Variants in MGAT4C observed in about 807,000 individuals in gnomAD.
MGAT4C encodes the protein MGAT4 family member C.
In MGAT4C, 19 loss-of-function variants were observed where a neutral mutation model predicts 40.1. That is an observed-to-expected ratio of 0.47 (90% confidence interval 0.33 to 0.70). MGAT4C has a LOEUF of 0.70. MGAT4C is among the 30% of genes least tolerant of loss of function. The probability of loss-of-function intolerance (pLI) is 0.02; values close to 1 mark genes in which losing one functional copy is unlikely to be tolerated. For synonymous variants in MGAT4C, 181 were observed against 187.1 expected (o/e 0.97, Z 0.27); for missense variants, 491 against 563.2 (o/e 0.87, Z 1.30).
chr12:86,152,997 C>T (rs61932275), intron 1 of MGAT4C, among the ~76,000 whole-genome samples: 1 of 152,074 alleles, frequency 6.6e-6, no homozygotes, highest in Non-Finnish European at 1.5e-5. Flanking sequence ...TAATATTACA[C>T]CCTGATCCTG....
chr12:85,984,981 T>C (rs1258831032), intron 3 of MGAT4C, among the ~76,000 whole-genome samples: 1 of 152,166 alleles, frequency 6.6e-6, no homozygotes, highest in Non-Finnish European at 1.5e-5. Flanking sequence ...GTTTCCGCCA[T>C]GTTGGCCAAG....
At chr12:86,196,007 T>C (rs553735758) in intron 1 of MGAT4C, among the ~76,000 whole-genome samples, 4 of 152,338 alleles carry the variant, frequency 2.6e-5, no homozygotes, top group Non-Finnish European at 5.9e-5. Context: ...CATATTTATG[T>C]ATGTGTGTTA....
At chr12:86,804,466 A>G (rs1362622764) in intron 1 of MGAT4C, among the ~76,000 whole-genome samples, 1 of 151,552 alleles carries the variant, frequency 6.6e-6, no homozygotes, top group Non-Finnish European at 1.5e-5. Flanking sequence ...AGAAGAAAAA[A>G]ATATATATTT....
intron 1 of MGAT4C, among the ~76,000 whole-genome samples, chr12:86,103,857 T>C (rs1875601251): frequency 6.6e-6 from 1 of 152,214 alleles, no homozygotes; most frequent in Non-Finnish European, 1.5e-5. Flanking sequence ...TCATTTATTG[T>C]TGCATCTCTA....
chr12:85,991,081 T>C (rs1449789236), intron 2 of MGAT4C, among the ~76,000 whole-genome samples: 1 of 152,146 alleles, frequency 6.6e-6, no homozygotes, highest in Non-Finnish European at 1.5e-5. Flanking sequence ...AGGAGCTTTA[T>C]TCAGTGTTAG....
chr12:86,167,570 G>T (rs1200676705), intron 1 of MGAT4C, among the ~76,000 whole-genome samples: 1 of 152,168 alleles, frequency 6.6e-6, no homozygotes, highest in South Asian at 2.1e-4. Context: ...TGATTAAGAG[G>T]CTGCATCTGG....
intron 2 of MGAT4C, among the ~76,000 whole-genome samples, chr12:86,615,477 A>G (rs543455076): frequency 2.4e-4 from 37 of 152,214 alleles, no homozygotes; most frequent in African/African-American, 7.7e-4. Flanking sequence ...ACCCGGTATT[A>G]AACTCAATTG....
intron 2 of MGAT4C, among the ~76,000 whole-genome samples, chr12:86,715,082 T>C (rs1483349235): frequency 1.3e-5 from 2 of 152,110 alleles, no homozygotes; most frequent in African/African-American, 4.8e-5. Flanking sequence ...TATAATTATA[T>C]ATAATTCCTA....
rs191167537 is a variant in MGAT4C at position 86,216,789 on chromosome 12, T to C, written c.-57+39450A>G. Among the ~76,000 whole-genome samples, 505 of 152,318 alleles carry C rather than the reference T, an allele frequency of 3.3e-3. 2 individuals carry two copies. Among genetic ancestry groups the C allele is most frequent in the African/African-American group, 0.011 (469 of 41,570 alleles). The stretch of plus-strand genomic sequence containing the variant: ...AAAAATATTTTGTGTTGATTAAATC[T>C]GGCATATCTTCGAAGTTGTCAGCAT... On this transcript the variant is annotated intron_variant, in intron 1 of 4. Coordinates refer to ENST00000611864, the MANE Select transcript of MGAT4C (RefSeq NM_001351288.2).
chr12:86,117,829 T>C (rs79042242), intron 1 of MGAT4C, among the ~76,000 whole-genome samples: 482 of 152,270 alleles, frequency 3.2e-3, no homozygotes, highest in African/African-American at 0.011. Context: ...GTAGACTTAA[T>C]CACCATAATG....
chr12:86,329,456 CATA>C (rs530875987), intron 4 of MGAT4C, among the ~76,000 whole-genome samples: 1 of 152,252 alleles, frequency 6.6e-6, no homozygotes, highest in African/African-American at 2.4e-5. Flanking sequence ...AGCTGTCAAA[CATA>C]ATATTTTCTA....
chr12:86,221,391 A>C (rs929811209), intron 1 of MGAT4C, among the ~76,000 whole-genome samples: 5 of 152,176 alleles, frequency 3.3e-5, no homozygotes, highest in African/African-American at 1.2e-4. Context: ...ATAAAGAATC[A>C]TTCTTTATGT....
intron 1 of MGAT4C, among the ~76,000 whole-genome samples, chr12:86,178,570 A>G (rs1471145326): frequency 2.6e-5 from 4 of 152,160 alleles, no homozygotes; most frequent in Admixed American, 2.6e-4. Context: ...TAGTTAAGTA[A>G]GTCTGCAGAA....
chr12:86,092,813 G>A (rs971547159), intron 1 of MGAT4C, among the ~76,000 whole-genome samples: 3 of 151,862 alleles, frequency 2.0e-5, no homozygotes, highest in Non-Finnish European at 2.9e-5. Flanking sequence ...GGCATATGAC[G>A]GTTCCTTTAA....
At chr12:86,714,333 T>C (rs899169789) in intron 2 of MGAT4C, among the ~76,000 whole-genome samples, 2 of 152,110 alleles carry the variant, frequency 1.3e-5, no homozygotes, top group Admixed American at 6.6e-5. Context: ...GTATTTGACA[T>C]GTGGTTAATT....
In MGAT4C at chr12:85,990,852, G is replaced by C. The variant is rs149979699; in HGVS notation, c.-6-1300C>G. Reference sequence around the variant, plus strand: ...TATGCACACATAGATGCACATAAATGTATATCCTGAGGATTTGGGTGATAT... The same window carrying C: ...TATGCACACATAGATGCACATAAATCTATATCCTGAGGATTTGGGTGATAT... On this transcript the variant is annotated intron_variant, in intron 2 of 4. Coordinates refer to ENST00000611864, the MANE Select transcript of MGAT4C (RefSeq NM_001351288.2). Among the ~76,000 whole-genome samples, 1,086 of 152,278 alleles carry C rather than the reference G, an allele frequency of 7.1e-3. 13 individuals carry two copies. Among genetic ancestry groups the C allele is most frequent in the African/African-American group, 0.024 (1,010 of 41,564 alleles).
At chr12:86,812,598 C>T (rs907584647) in intron 1 of MGAT4C, among the ~76,000 whole-genome samples, 4 of 151,820 alleles carry the variant, frequency 2.6e-5, no homozygotes, top group Non-Finnish European at 4.4e-5. Flanking sequence ...TTTATTAGGC[C>T]GTATATATTA....
At chr12:86,265,377 A>T (rs1165862927) in intron 4 of MGAT4C, among the ~76,000 whole-genome samples, 1 of 152,134 alleles carries the variant, frequency 6.6e-6, no homozygotes, top group Non-Finnish European at 1.5e-5. Flanking sequence ...ATTTTTCTTC[A>T]TGTGGCCATT....
intron 1 of MGAT4C, among the ~76,000 whole-genome samples, chr12:86,734,811 C>A (rs1202685481): frequency 6.6e-6 from 1 of 152,046 alleles, no homozygotes; most frequent in Admixed American, 6.6e-5. Flanking sequence ...GTAGCCTGAA[C>A]TGATGGGACA....
Sources: gnomAD v4.1 joint callset for allele counts (sites outside exome capture counted in the v4.1 genomes callset) on GRCh38, gnomAD v4.1.1 for gene constraint, MANE v1.5 for transcripts, NCBI Gene and HGNC (gene_info 2026-07-23, HGNC 2026-07-21) for gene names.